Variants in LZTFL1 observed in about 807,000 individuals in gnomAD.
LZTFL1 encodes leucine zipper transcription factor like 1.
A neutral mutation model predicts 45.9 loss-of-function variants in LZTFL1; 25 were observed. The ratio of observed to expected loss-of-function variants is 0.54; its 90% CI spans 0.40 to 0.76. The LOEUF is 0.76. Ranked by LOEUF, LZTFL1 falls within the 30% of genes least tolerant of loss-of-function variation. The probability of loss-of-function intolerance (pLI) is 0.00; values close to 1 mark genes in which losing one functional copy is unlikely to be tolerated. For missense variants in LZTFL1, 277 were observed against 331.1 expected, an observed-to-expected ratio of 0.84 and a Z score of 1.27; for synonymous variants, 93 against 117.4, an observed-to-expected ratio of 0.79 and a Z score of 1.35.
At chr3:45,840,055 G>C (rs1367105329) in intron 1 of LZTFL1, among the ~76,000 whole-genome samples, 1 of 152,130 alleles carries the variant, frequency 6.6e-6, no homozygotes, top group Non-Finnish European at 1.5e-5. Context: ...ATGAGGGCAT[G>C]AACCATTTCT....
At chr3:45,884,181 A>C (rs917762589) in intron 2 of LZTFL1, 1 of 152,672 alleles carries the variant, frequency 6.5e-6, no homozygotes. Flanking sequence ...GTGAGAATGC[A>C]AGAGAGAAAT....
rs150964228 is a variant in LZTFL1, at chr3:45,877,392, C to T, written c.-214-18376G>A. On this transcript the variant is annotated intron_variant, in intron 2 of 4. Transcript: ENST00000472635. ...GGGACTACAGGCACACGCCACCACG[C>T]CTGGCTAATTTTTGCATTTTTAGTA... 4.4e-3 allele frequency among the ~76,000 whole-genome samples: 676 copies of T among 152,096 alleles called. 8 individuals are homozygous for T. The highest frequency in any genetic ancestry group is 0.015 in the African/African-American group (642 of 41,482).
At position 45,901,229 on chromosome 3, in the gene LZTFL1, C is replaced by A. The variant is rs1040223989; in HGVS notation, c.-215+11891G>T. The stretch of plus-strand genomic sequence containing the variant: ...GCATCAGCGTGGACAGGTACATTGC[C>A]ATTGCCCAGGCCATGAGAGCACATA... On this transcript the variant is annotated intron_variant, in intron 2 of 4. Coordinates refer to the LZTFL1 transcript ENST00000472635. The surrounding 1 kb of genome is among the most constrained non-coding windows in gnomAD (Gnocchi z 4.3). 6.2e-7 allele frequency: 1 copy of A among 1,614,048 alleles called. No homozygotes were observed. Among genetic ancestry groups the A allele is most frequent in the East Asian group, 2.2e-5 (1 of 44,894 alleles).
At chr3:45,861,633 T>C (rs998752757) in intron 2 of LZTFL1, among the ~76,000 whole-genome samples, 15 of 152,206 alleles carry the variant, frequency 9.9e-5, no homozygotes, top group Admixed American at 7.9e-4. Context: ...TGTGCATGTG[T>C]GTGTGTGTTT....
intron 3 of LZTFL1, 27 bp from the exon 4 acceptor site, chr3:45,834,325 T>C: frequency 7.0e-7 from 1 of 1,430,974 alleles, no homozygotes. Context: ...AAGATAAAAA[T>C]TATTCATTTA....
At chr3:45,904,509 C>G (rs1702640618) in intron 2 of LZTFL1, among the ~76,000 whole-genome samples, 1 of 152,196 alleles carries the variant, frequency 6.6e-6, no homozygotes. Context: ...CCTGAGAGAG[C>G]TGAGTGGCTA....
chr3:45,844,627 A>G (rs1392312616), upstream of LZTFL1, among the ~76,000 whole-genome samples: 1 of 152,180 alleles, frequency 6.6e-6, no homozygotes, highest in Non-Finnish European at 1.5e-5. Context: ...ATGAAGTTCT[A>G]CCATACAAGT....
chr3:45,895,605 G>A (rs1218334927), intron 2 of LZTFL1, among the ~76,000 whole-genome samples: 1 of 152,064 alleles, frequency 6.6e-6, no homozygotes, highest in Non-Finnish European at 1.5e-5. Context: ...TCCCAGCTAC[G>A]TGGGAGGCTG....
intron 2 of LZTFL1, among the ~76,000 whole-genome samples, chr3:45,898,966 G>A (rs1011123933): frequency 7.9e-5 from 12 of 152,164 alleles, no homozygotes; most frequent in Non-Finnish European, 1.5e-4. Context: ...AGAAGTTCGA[G>A]ACCAGCCTGA....
chr3:45,842,106 G>C lies in LZTFL1; in HGVS notation c.-115C>G, dbSNP rs1052655561. On this transcript the variant is annotated 5_prime_UTR_variant, in exon 1 of 10. Coordinates refer to ENST00000296135, the MANE Select transcript of LZTFL1 (RefSeq NM_020347.4). ...AGAAAATGGGGAAGGAGGGTAGGTT[G>C]TTTAGAAGCCTCTGGTTGCTAACGG... 88 of 1,549,432 alleles carry C rather than the reference G, an allele frequency of 5.7e-5. No homozygotes were observed. In the South Asian group the frequency reaches 9.9e-4, roughly 17 times the overall value.
rs774569331 is a variant in LZTFL1, at chr3:45,901,563, G to A, written c.-215+11557C>T. The A allele has an allele frequency of 6.8e-6, 11 of 1,614,082 alleles. No individual in the cohort carries two copies. The highest frequency in any genetic ancestry group is 9.3e-6 in the Non-Finnish European group (11 of 1,180,046). The stretch of plus-strand genomic sequence containing the variant: ...CAAAGCCCTAAAAGTGACCATCACT[G>A]TCCTGACCGTCTTTGTCTTGTCTCA... On this transcript the variant is annotated intron_variant, in intron 2 of 4. Coordinates refer to the LZTFL1 transcript ENST00000472635. The surrounding 1 kb of genome is among the most constrained non-coding windows in gnomAD (Gnocchi z 4.3).
At chr3:45,898,438 A>G (rs1702439331) in intron 2 of LZTFL1, among the ~76,000 whole-genome samples, 1 of 152,252 alleles carries the variant, frequency 6.6e-6, no homozygotes, top group Non-Finnish European at 1.5e-5. Context: ...GGATTAATCA[A>G]GCCAAGGGAC....
Position 45,824,725 on chromosome 3 carries a change from C to CT in LZTFL1, c.*1588dup. The CT allele has an allele frequency of 5.0e-6, 2 of 397,670 alleles. No homozygotes were observed. Among genetic ancestry groups the CT allele is most frequent in the East Asian group, 7.1e-5 (2 of 28,016 alleles). The allele number at this position is 397,670 out of a possible 1,614,324, so 24.6% of individuals were successfully genotyped here. A position where few individuals can be genotyped will look rare whatever the true frequency, so the allele number is the denominator to read the frequency against. ...ACTAGCCCTTTAGCCAAGAGTTCTG[C>CT]TTCTGAATTACATAGAACATCTTGG... is the stretch of plus-strand genomic sequence containing the variant. On this transcript the variant is annotated 3_prime_UTR_variant, in exon 10 of 10. Coordinates refer to ENST00000296135, the MANE Select transcript of LZTFL1 (RefSeq NM_020347.4).
intron 1 of LZTFL1, among the ~76,000 whole-genome samples, chr3:45,840,709 GTGTA>G (rs1701085179): frequency 1.3e-5 from 2 of 152,210 alleles, no homozygotes; most frequent in Admixed American, 6.5e-5. Flanking sequence ...ACCACAAATT[GTGTA>G]TGTGTGTTTA....
At chr3:45,872,815 AGG>A (rs1701690629) in intron 2 of LZTFL1, among the ~76,000 whole-genome samples, 1 of 152,182 alleles carries the variant, frequency 6.6e-6, no homozygotes, top group Non-Finnish European at 1.5e-5. Context: ...AGATAATCAG[AGG>A]AATTGAGAAA....
intron 2 of LZTFL1, among the ~76,000 whole-genome samples, chr3:45,894,063 T>C (rs943851342): frequency 2.0e-5 from 3 of 152,236 alleles, no homozygotes; most frequent in African/African-American, 4.8e-5. Flanking sequence ...TCGCTAAGGG[T>C]ATAAAAGGAA....
chr3:45,908,924 G>T (rs1387393399), intron 2 of LZTFL1, among the ~76,000 whole-genome samples: 1 of 152,204 alleles, frequency 6.6e-6, no homozygotes, highest in Admixed American at 6.5e-5. Context: ...AGGCAAGTGA[G>T]TGAAGCTTCG....
At position 45,838,031 on chromosome 3, in the gene LZTFL1, C is replaced by A; in HGVS notation, c.24G>T (p.Glu8Asp). ...AATTAATAACTTCATTTTGATGGTG[C>A]TCATTTAGGCCCAACTCTGCCTGAA... MAELGLN[E>D]HHQNEVINYM... Residue 8 changes from glutamate to aspartate, a missense_variant, in exon 2 of 10, where the codon GAG becomes GAT. Glu to Asp is a conservative substitution (Grantham distance 45). Coordinates refer to ENST00000296135, the MANE Select transcript of LZTFL1 (RefSeq NM_020347.4). 6.2e-7 allele frequency: 1 copy of A among 1,608,776 alleles called. No homozygotes were observed. Among genetic ancestry groups the A allele is most frequent in the Non-Finnish European group, 8.5e-7 (1 of 1,178,442 alleles).
In LZTFL1 at chr3:45,901,682, C is replaced by T. The variant is rs1485981501; in HGVS notation, c.-215+11438G>A. On this transcript the variant is annotated intron_variant, in intron 2 of 4. Transcript: ENST00000472635. The surrounding 1 kb of genome is among the most constrained non-coding windows in gnomAD (Gnocchi z 4.3). Reference sequence around the variant, plus strand: ...CCGTTTCCACCAACATTGACATCTGCTTCCAGGTCACCCAGACCATCGCCT... The same window carrying T: ...CCGTTTCCACCAACATTGACATCTGTTTCCAGGTCACCCAGACCATCGCCT... 2.5e-6 allele frequency: 4 copies of T among 1,613,942 alleles called. No homozygotes were observed. Among genetic ancestry groups the T allele is most frequent in the Non-Finnish European group, 3.4e-6 (4 of 1,179,882 alleles).
Sources: allele counts gnomAD v4.1 joint callset (sites outside exome capture counted in the v4.1 genomes callset), GRCh38; gene constraint gnomAD v4.1.1; non-coding constraint Gnocchi (gnomAD v3.1); transcripts MANE v1.5; gene names NCBI Gene and HGNC (gene_info 2026-07-23, HGNC 2026-07-21).